Variants in ATM observed in about 807,000 individuals in gnomAD.
ATM encodes ATM serine/threonine kinase.
Under a neutral mutation model 387.0 loss-of-function variants are expected in ATM, and 308 were observed. The observed-to-expected ratio is 0.80, with a 90% CI of 0.73 to 0.87. The LOEUF (loss-of-function observed/expected upper bound fraction) is 0.87, where lower values mean the gene tolerates loss of function less well. Ranked by LOEUF, ATM falls within the 40% of genes least tolerant of loss-of-function variation. The pLI, the probability that ATM is intolerant of heterozygous loss-of-function variation, is 0.00. For missense variants in ATM, 3,312 were observed against 3,560.9 expected (o/e 0.93, Z 1.78); for synonymous variants, 1,156 against 1,187.3 (o/e 0.97, Z 0.54).
At chr11:108,266,542 G>A (rs373658090) in intron 16 of ATM, among the ~76,000 whole-genome samples, 57 of 150,178 alleles carry the variant, frequency 3.8e-4, no homozygotes, top group Non-Finnish European at 5.5e-4. Context: ...GCTAGATGAC[G>A]AGTTAGTGGG....
In ATM at chr11:108,260,952, C is replaced by T. The variant is rs954538321; in HGVS notation, c.2466+1877C>T. ...GACGGGCTTAAAAAACGGCGCACCA[C>T]GAGATTATATCCCGCACCTGGCTCG... On this transcript the variant is annotated intron_variant, in intron 16 of 62. Transcript: ENST00000675843. Among the ~76,000 whole-genome samples, 4 of 151,732 alleles carry T rather than the reference C, an allele frequency of 2.6e-5. No individual in the cohort carries two copies. In the East Asian group the frequency reaches 5.8e-4, roughly 22 times the overall value.
At chr11:108,308,023 G>C (rs1181001406) in intron 38 of ATM, 39 bp downstream of exon 38, 8 of 1,549,396 alleles carry the variant, frequency 5.2e-6, no homozygotes, top group Non-Finnish European at 7.1e-6. Flanking sequence ...TTAGGATCTA[G>C]AGTGTAACTT....
At chr11:108,226,709 CTT>C (rs200968985) in intron 1 of ATM, 4 of 146,208 alleles carry the variant, frequency 2.7e-5, no homozygotes, top group African/African-American at 5.0e-5. Flanking sequence ...AGCAAGAGTG[CTT>C]TTTTTTTTTT....
intron 22 of ATM, among the ~76,000 whole-genome samples, chr11:108,275,326 T>C (rs538292551): frequency 6.6e-6 from 1 of 152,364 alleles, no homozygotes; most frequent in South Asian, 2.1e-4. Context: ...TTTGCCAGTC[T>C]CTGTCTTTTA....
At chr11:108,308,703 G>A (rs1445738811) in intron 38 of ATM, 3 of 311,352 alleles carry the variant, frequency 9.6e-6, no homozygotes, top group Admixed American at 8.6e-5. Flanking sequence ...GAATGAGAGG[G>A]AGAGGTGAGT....
Position 108,247,270 on chromosome 11 carries a change from C to G in ATM, c.1065+143C>G, listed in dbSNP as rs2135272572. ...CATGCAACTATTCCTTTCAAACTAT[C>G]AGAAATATTTGGAATTACCCTTTTA... On this transcript the variant is annotated intron_variant, in intron 8 of 62. Transcript: ENST00000675843. 2 of 751,440 alleles carry G rather than the reference C, an allele frequency of 2.7e-6. 1 individual carries two copies. The highest frequency in any genetic ancestry group is 5.5e-5 in the East Asian group (2 of 36,610). 46.5% of individuals were successfully genotyped at this position (751,440 alleles called of 1,614,324 possible).
chr11:108,332,380 C>A (rs575554542), intron 52 of ATM, among the ~76,000 whole-genome samples: 3 of 152,132 alleles, frequency 2.0e-5, no homozygotes, highest in South Asian at 4.2e-4. Context: ...TGCAGTGAGC[C>A]AAGGTTGCGC....
chr11:108,225,478 T>G (rs1469346089), intron 1 of ATM: 1 of 152,188 alleles, frequency 6.6e-6, no homozygotes, highest in African/African-American at 2.4e-5. Flanking sequence ...TTGTTTTTTT[T>G]GTCTTGTTTT....
In ATM at chr11:108,289,103, T is replaced by C. The variant is rs1326629661; in HGVS notation, c.4236T>C (p.Pro1412=). ...KSILEILSKS[P]DSYQKILLAI... is the part of the protein sequence containing the mutation. ...TTTTAGAAATTCTTTCCAAAAGCCC[T>C]GTAAGTATACATGATGAGTTTAATA... The change falls in exon 28 of 63, where the codon CCT becomes CCC. Residue 1412 remains proline (P), a splice_region_variant and synonymous_variant. Coordinates refer to ENST00000675843, the MANE Select transcript of ATM (RefSeq NM_000051.4). The C allele has an allele frequency of 1.2e-6, 2 of 1,607,416 alleles. No individual in the cohort carries two copies. Among genetic ancestry groups the C allele is most frequent in the Non-Finnish European group, 1.7e-6 (2 of 1,174,576 alleles).
intron 1 of ATM, chr11:108,223,925 G>A (rs1285874039): frequency 1.3e-5 from 2 of 152,248 alleles, no homozygotes; most frequent in Non-Finnish European, 1.5e-5. Flanking sequence ...GCCTGGCATT[G>A]AATGAAATAT....
intron 11 of ATM, 110 bp downstream of exon 11, chr11:108,252,141 C>A: frequency 1.1e-6 from 1 of 902,874 alleles, no homozygotes; most frequent in Non-Finnish European, 1.7e-6. Context: ...GCAGAATTTC[C>A]CAGATCTAAC....
intron 22 of ATM, among the ~76,000 whole-genome samples, chr11:108,273,886 T>G (rs1053323348): frequency 2.6e-5 from 4 of 152,254 alleles, no homozygotes; most frequent in African/African-American, 9.6e-5. Flanking sequence ...GCTGGCATCA[T>G]AAAATGAGTT....
intron 59 of ATM, among the ~76,000 whole-genome samples, chr11:108,351,745 C>CAT (rs1463377160): frequency 6.6e-6 from 1 of 152,218 alleles, no homozygotes; most frequent in African/African-American, 2.4e-5. Flanking sequence ...CACATTATGT[C>CAT]ATCACATAGT....
In ATM at chr11:108,234,943, A is replaced by G. The variant is rs142176089; in HGVS notation, c.332-727A>G. ...AGGTAAATATTCTCCTTGTAATCTTATGTTATTCTAATAAATTCATTCTTC... is the reference window on the plus strand; with the variant it reads ...AGGTAAATATTCTCCTTGTAATCTTGTGTTATTCTAATAAATTCATTCTTC... On this transcript the variant is annotated intron_variant, in intron 4 of 62. Transcript: ENST00000675843. Among the ~76,000 whole-genome samples, 272 of 152,270 alleles carry G rather than the reference A, an allele frequency of 1.8e-3. 2 individuals carry two copies. The highest frequency in any genetic ancestry group is 6.3e-3 in the African/African-American group (262 of 41,546).
intron 49 of ATM, 64 bp downstream of exon 49, chr11:108,329,302 T>C: frequency 1.4e-6 from 2 of 1,413,522 alleles, no homozygotes; most frequent in Non-Finnish European, 2.0e-6. Flanking sequence ...TGTTTTTGCA[T>C]AGAAAGAGTG....
At chr11:108,306,891 G>A (rs538479648) in intron 37 of ATM, among the ~76,000 whole-genome samples, 35 of 152,102 alleles carry the variant, frequency 2.3e-4, no homozygotes, top group Non-Finnish European at 4.9e-4. Flanking sequence ...CCTCTCTCAC[G>A]TATTTCATCT....
intron 11 of ATM, 51 bp downstream of exon 11, chr11:108,252,082 GCT>G (rs1565386490): frequency 6.6e-7 from 1 of 1,523,036 alleles, no homozygotes; most frequent in Non-Finnish European, 9.0e-7. Flanking sequence ...GTTTTATCAG[GCT>G]CTCTCCACTT....
At chr11:108,224,489 A>G (rs540363414) in intron 1 of ATM, 1 of 152,366 alleles carries the variant, frequency 6.6e-6, no homozygotes, top group South Asian at 2.1e-4. Flanking sequence ...GGATTAATGT[A>G]TAAATGAAGT....
chr11:108,354,318 A>T (rs1333898714), intron 60 of ATM, among the ~76,000 whole-genome samples: 2 of 151,828 alleles, frequency 1.3e-5, no homozygotes, highest in Admixed American at 6.6e-5. Flanking sequence ...ATCCTGGCTG[A>T]CTCCTTCTTA....
Sources: gnomAD v4.1 joint callset for allele counts (sites outside exome capture counted in the v4.1 genomes callset) on GRCh38, gnomAD v4.1.1 for gene constraint, MANE v1.5 for transcripts, NCBI Gene and HGNC (gene_info 2026-07-23, HGNC 2026-07-21) for gene names.